SLC49A4: variants seen among roughly 807,000 people sequenced by gnomAD.
The protein encoded by SLC49A4 is solute carrier family 49 member 4.
Under a neutral mutation model 50.6 loss-of-function variants are expected in SLC49A4, and 36 were observed. The ratio of observed to expected loss-of-function variants is 0.71; its 90% confidence interval spans 0.55 to 0.94. The LOEUF (loss-of-function observed/expected upper bound fraction) is 0.94, where lower values mean the gene tolerates loss of function less well. Ranked by LOEUF, SLC49A4 falls within the 40% of genes least tolerant of loss-of-function variation. The probability of loss-of-function intolerance (pLI) is 0.00; values close to 1 mark genes in which losing one functional copy is unlikely to be tolerated. For missense variants in SLC49A4, 503 were observed against 605.7 expected (o/e 0.83, Z 1.78); for synonymous variants, 248 against 241.2 (o/e 1.03, Z -0.26).
chr3:122,868,685 T>C (rs945932481), intron 7 of SLC49A4, among the ~76,000 whole-genome samples: 1 of 152,232 alleles, frequency 6.6e-6, no homozygotes, highest in Non-Finnish European at 1.5e-5. Flanking sequence ...AAGATCTCAA[T>C]CTAACCCCTT....
chr3:122,825,080 T>C (rs1394942718), intron 2 of SLC49A4, among the ~76,000 whole-genome samples: 1 of 152,162 alleles, frequency 6.6e-6, no homozygotes, highest in Non-Finnish European at 1.5e-5. Context: ...GTTTTTGATT[T>C]ATTTCTTCCA....
At chr3:122,875,424 C>T (rs1295557374) in intron 8 of SLC49A4, among the ~76,000 whole-genome samples, 4 of 152,148 alleles carry the variant, frequency 2.6e-5, no homozygotes, top group Non-Finnish European at 4.4e-5. Context: ...CATTATGGCT[C>T]ACTGCAACGT....
intron 8 of SLC49A4, among the ~76,000 whole-genome samples, chr3:122,874,131 T>G (rs890798177): frequency 1.3e-5 from 2 of 152,180 alleles, no homozygotes; most frequent in Non-Finnish European, 2.9e-5. Context: ...ACAAACACAT[T>G]TTTGTTGATC....
chr3:122,871,691 A>C (rs1340983097), intron 7 of SLC49A4, among the ~76,000 whole-genome samples: 2 of 152,136 alleles, frequency 1.3e-5, no homozygotes, highest in Non-Finnish European at 2.9e-5. Flanking sequence ...TTATAGACAG[A>C]CAGTAGTAGC....
chr3:122,836,272 A>G (rs9877888), intron 4 of SLC49A4, among the ~76,000 whole-genome samples: 148,068 of 149,826 alleles, frequency 0.99, 73,192 homozygotes, highest in Middle Eastern at 1. Flanking sequence ...TTTGTCTTTG[A>G]TTCTGTTTAT....
intron 2 of SLC49A4, among the ~76,000 whole-genome samples, chr3:122,819,554 A>G (rs1458200636): frequency 6.6e-6 from 1 of 152,176 alleles, no homozygotes; most frequent in African/African-American, 2.4e-5. Context: ...TTTTAATTGA[A>G]TCATTATTGA....
intron 2 of SLC49A4, among the ~76,000 whole-genome samples, chr3:122,820,169 A>G (rs894745659): frequency 4.6e-5 from 7 of 152,186 alleles, no homozygotes; most frequent in South Asian, 4.1e-4. Flanking sequence ...GATTTTCTTA[A>G]CAATCAGTAA....
chr3:122,855,951 A>C (rs1240115439), intron 5 of SLC49A4, among the ~76,000 whole-genome samples: 1 of 152,066 alleles, frequency 6.6e-6, no homozygotes, highest in Non-Finnish European at 1.5e-5. Context: ...TTGTTGCCCC[A>C]TGTTTTAGCA....
At chr3:122,835,052 G>C (rs556925077) in intron 4 of SLC49A4, among the ~76,000 whole-genome samples, 4 of 152,136 alleles carry the variant, frequency 2.6e-5, no homozygotes, top group Admixed American at 1.3e-4. Context: ...GATTGATTCA[G>C]TAACTTAAAA....
intron 4 of SLC49A4, among the ~76,000 whole-genome samples, chr3:122,835,110 C>T (rs1347847172): frequency 1.3e-5 from 2 of 152,176 alleles, no homozygotes; most frequent in Non-Finnish European, 2.9e-5. Context: ...GATGGATTCA[C>T]AGTTGAATTC....
At chr3:122,834,156 T>G (rs1446562501) in intron 4 of SLC49A4, among the ~76,000 whole-genome samples, 1 of 152,188 alleles carries the variant, frequency 6.6e-6, no homozygotes, top group Non-Finnish European at 1.5e-5. Flanking sequence ...TTATTGATTC[T>G]TCAACAACTC....
At chr3:122,810,431 A>T (rs1350474041) in intron 2 of SLC49A4, among the ~76,000 whole-genome samples, 2 of 152,208 alleles carry the variant, frequency 1.3e-5, no homozygotes, top group African/African-American at 4.8e-5. Context: ...CTCTATTGCA[A>T]TGAGCGCTAT....
At chr3:122,796,152 T>TTA (rs1469299328) in intron 1 of SLC49A4, among the ~76,000 whole-genome samples, 1 of 152,210 alleles carries the variant, frequency 6.6e-6, no homozygotes, top group Non-Finnish European at 1.5e-5. Flanking sequence ...TTGCTTAGAA[T>TTA]GGTACCCTGG....
intron 4 of SLC49A4, among the ~76,000 whole-genome samples, chr3:122,843,903 G>A (rs532768047): frequency 6.6e-6 from 1 of 152,302 alleles, no homozygotes; most frequent in South Asian, 2.1e-4. Flanking sequence ...GTTTCAAGAT[G>A]CACCCCTGCT....
chr3:122,853,282 A>G (rs1229685572), intron 5 of SLC49A4, among the ~76,000 whole-genome samples: 2 of 152,184 alleles, frequency 1.3e-5, no homozygotes, highest in Non-Finnish European at 2.9e-5. Flanking sequence ...ACCTCTTAAT[A>G]TGATCACTTT....
At position 122,833,732 on chromosome 3, in the gene SLC49A4, C is replaced by A. The variant is rs149240933; in HGVS notation, c.833+286C>A. ...TATTTTATTTTTCTTAAATAATTTT[C>A]TTTTTTAAAGAATCCCATATCATAC... On this transcript the variant is annotated intron_variant, in intron 4 of 8. Transcript: ENST00000261038. Among the ~76,000 whole-genome samples the A allele has an allele frequency of 4.6e-4, 70 of 151,946 alleles. No homozygotes were observed. The East Asian group carries it at 0.013, about 27-fold the overall frequency.
chr3:122,824,065 G>A (rs1936489531), intron 2 of SLC49A4, among the ~76,000 whole-genome samples: 1 of 152,178 alleles, frequency 6.6e-6, no homozygotes, highest in African/African-American at 2.4e-5. Flanking sequence ...TTCCCTGCCA[G>A]GTTTCTCATG....
chr3:122,812,861 C>T (rs930290532), intron 2 of SLC49A4, among the ~76,000 whole-genome samples: 56 of 152,210 alleles, frequency 3.7e-4, no homozygotes, highest in South Asian at 6.2e-4. Context: ...AAGTAAAACT[C>T]ATGACTATGT....
At chr3:122,866,604 A>G (rs1327515296) in intron 7 of SLC49A4, among the ~76,000 whole-genome samples, 1 of 152,216 alleles carries the variant, frequency 6.6e-6, no homozygotes, top group African/African-American at 2.4e-5. Context: ...TTGGAGCAAC[A>G]TAGCTTGCAG....
Sources: gnomAD v4.1 joint callset for allele counts (sites outside exome capture counted in the v4.1 genomes callset) on GRCh38, gnomAD v4.1.1 for gene constraint, MANE v1.5 for transcripts, NCBI Gene and HGNC (gene_info 2026-07-23, HGNC 2026-07-21) for gene names.